The following LINC00305 variants were observed in gnomAD, a reference collection of about 807,000 sequenced individuals.
LINC00305 encodes the protein long independently transcribed non-coding RNA 305.
At chr18:64,107,926 G>A (rs1034989570) in intron 1 of LINC00305, among the ~76,000 whole-genome samples, 1 of 152,132 alleles carries the variant, frequency 6.6e-6, no homozygotes, top group African/African-American at 2.4e-5. Context: ...GGCCATTGAA[G>A]GTGGCTTTAC....
At chr18:64,123,168 T>A (rs1171329939) in intron 1 of LINC00305, among the ~76,000 whole-genome samples, 1 of 152,160 alleles carries the variant, frequency 6.6e-6, no homozygotes, top group African/African-American at 2.4e-5. Flanking sequence ...ATGCCTTTAA[T>A]TTCTTTTCCT....
chr18:64,134,657 A>AG (rs1218583259), intron 1 of LINC00305, among the ~76,000 whole-genome samples: 2 of 152,182 alleles, frequency 1.3e-5, no homozygotes, highest in Non-Finnish European at 2.9e-5. Context: ...GTTATAAAAT[A>AG]GGGGGGTCCA....
At chr18:64,112,179 G>A (rs1169847250) in intron 1 of LINC00305, among the ~76,000 whole-genome samples, 2 of 152,042 alleles carry the variant, frequency 1.3e-5, no homozygotes, top group Non-Finnish European at 2.9e-5. Flanking sequence ...TAATCATTTG[G>A]GGAAATCTGT....
intron 3 of LINC00305, among the ~76,000 whole-genome samples, chr18:64,086,654 A>G (rs1299624411): frequency 6.6e-6 from 1 of 152,234 alleles, no homozygotes; most frequent in African/African-American, 2.4e-5. Flanking sequence ...GCTAAATATT[A>G]TCATTGCATG....
chr18:64,101,253 C>CACCCACCT (rs1421186580), intron 1 of LINC00305, among the ~76,000 whole-genome samples: 14 of 152,168 alleles, frequency 9.2e-5, no homozygotes, highest in African/African-American at 3.4e-4. Context: ...AAGAATGTGA[C>CACCCACCT]ACCCACCTTA....
intron 1 of LINC00305, chr18:64,139,356 T>C (rs1280733685): frequency 2.0e-5 from 3 of 152,180 alleles, no homozygotes; most frequent in Admixed American, 6.5e-5. Context: ...CTGTAATCTG[T>C]AGGAAACGGG....
At chr18:64,083,819 C>A (rs1005340754) in intron 3 of LINC00305, among the ~76,000 whole-genome samples, 4 of 152,202 alleles carry the variant, frequency 2.6e-5, no homozygotes, top group Non-Finnish European at 5.9e-5. Context: ...CAATTATAAA[C>A]CTGCTTGATG....
intron 1 of LINC00305, among the ~76,000 whole-genome samples, chr18:64,122,274 G>A (rs1398849011): frequency 6.6e-6 from 1 of 151,956 alleles, no homozygotes; most frequent in Non-Finnish European, 1.5e-5. Context: ...ATGTCCAGAA[G>A]AGTTTTTCCT....
intron 3 of LINC00305, among the ~76,000 whole-genome samples, chr18:64,091,658 A>G (rs1254127387): frequency 2.0e-5 from 3 of 152,190 alleles, no homozygotes; most frequent in Non-Finnish European, 4.4e-5. Context: ...TTTGAATCAG[A>G]CCATTGGTCT....
chr18:64,119,536 A>AAAG (rs1382236669), intron 1 of LINC00305, among the ~76,000 whole-genome samples: 1 of 152,186 alleles, frequency 6.6e-6, no homozygotes, highest in Non-Finnish European at 1.5e-5. Flanking sequence ...TGTTTTTACT[A>AAAG]AAGAAGGTCT....
At chr18:64,098,692 C>A in intron 1 of LINC00305, 1 of 405,392 alleles carries the variant, frequency 2.5e-6, no homozygotes, top group South Asian at 1.8e-5. Context: ...TGCTGCAAAA[C>A]ACAATGAAAG....
intron 1 of LINC00305, among the ~76,000 whole-genome samples, chr18:64,129,048 A>G (rs1331734084): frequency 6.6e-6 from 1 of 152,066 alleles, no homozygotes; most frequent in African/African-American, 2.4e-5. Context: ...TTATGAGTCC[A>G]TTTTCTCTTA....
chr18:64,117,502 C>G lies in LINC00305; in HGVS notation n.315-18862G>C, dbSNP rs76749285. Among the ~76,000 whole-genome samples the G allele has an allele frequency of 6.7e-3, 1,015 of 152,242 alleles. 15 individuals carry two copies. Among genetic ancestry groups the G allele is most frequent in the African/African-American group, 0.024 (987 of 41,552 alleles). On this transcript the variant is annotated intron_variant and non_coding_transcript_variant, in intron 1 of 3. Coordinates refer to ENST00000666468, the Ensembl canonical transcript of LINC00305. ...AATTTTATATGTCTTGTGCTATTTT[C>G]TTACCTGTAAAATTGACAGAATGAT...
At chr18:64,148,148 T>G (rs2051507127) in intron 1 of LINC00305, among the ~76,000 whole-genome samples, 1 of 152,020 alleles carries the variant, frequency 6.6e-6, no homozygotes. Context: ...CCACCCAACC[T>G]CAAATGTTTC....
intron 1 of LINC00305, among the ~76,000 whole-genome samples, chr18:64,122,374 A>C (rs1357048314): frequency 6.6e-6 from 1 of 151,966 alleles, no homozygotes; most frequent in African/African-American, 2.4e-5. Flanking sequence ...ACAGTGAAAG[A>C]TAGGGGTTCA....
At chr18:64,083,452 G>A (rs10515991) in intron 3 of LINC00305, among the ~76,000 whole-genome samples, 2,433 of 152,234 alleles carry the variant, frequency 0.016, 59 homozygotes, top group African/African-American at 0.055. Flanking sequence ...TAGGCAATAC[G>A]CATTTAAACT....
chr18:64,095,647 C>CT (rs2051242337), intron 3 of LINC00305, among the ~76,000 whole-genome samples: 1 of 152,116 alleles, frequency 6.6e-6, no homozygotes, highest in African/African-American at 2.4e-5. Context: ...ACCAACACTG[C>CT]AGAATTTTTA....
intron 1 of LINC00305, among the ~76,000 whole-genome samples, chr18:64,141,651 A>G (rs952749025): frequency 6.6e-6 from 1 of 152,226 alleles, no homozygotes; most frequent in African/African-American, 2.4e-5. Flanking sequence ...TAAAAAAGTC[A>G]TAAACTATAA....
At chr18:64,135,185 C>A (rs1346752484) in intron 1 of LINC00305, among the ~76,000 whole-genome samples, 1 of 152,016 alleles carries the variant, frequency 6.6e-6, no homozygotes, top group East Asian at 1.9e-4. Context: ...CAAATTACCC[C>A]TTTTTATAAG....
Sources: allele counts gnomAD v4.1 joint callset (sites outside exome capture counted in the v4.1 genomes callset), GRCh38; gene constraint gnomAD v4.1.1; transcripts MANE v1.5; gene names NCBI Gene and HGNC (gene_info 2026-07-23, HGNC 2026-07-21).